Variants in RNF213 observed in about 807,000 individuals in gnomAD.
RNF213 encodes the protein ring finger protein 213, also known as E3 ubiquitin-protein ligase RNF213.
A neutral mutation model predicts 514.4 loss-of-function variants in RNF213; 341 were observed. That is an observed-to-expected ratio of 0.66 (90% confidence interval 0.61 to 0.73). The LOEUF is 0.73. Ranked by LOEUF, RNF213 falls within the 30% of genes least tolerant of loss-of-function variation. The probability of loss-of-function intolerance (pLI) is 0.00; values close to 1 mark genes in which losing one functional copy is unlikely to be tolerated. For missense variants in RNF213, 5,767 were observed against 6,615.6 expected, an observed-to-expected ratio of 0.87 and a Z score of 4.45; for synonymous variants, 2,655 against 2,658.2, an observed-to-expected ratio of 1.00 and a Z score of 0.04.
chr17:80,343,396 C>T lies in RNF213; in HGVS notation c.6183+71C>T, dbSNP rs1002814261. The T allele has an allele frequency of 2.3e-6, 3 of 1,306,086 alleles. No individual in the cohort carries two copies. The highest frequency in any genetic ancestry group is 3.3e-6 in the Non-Finnish European group (3 of 919,874). 80.9% of individuals were successfully genotyped at this position (1,306,086 alleles called of 1,614,324 possible). On this transcript the variant is annotated intron_variant, in intron 27 of 67. Coordinates refer to ENST00000582970, the MANE Select transcript of RNF213 (RefSeq NM_001256071.3). This position sits in a 1 kb window ranked among gnomAD's most constrained non-coding sequence, Gnocchi z 4.3. ...TGGTCCCCATGTCTCTGCGTGACTC[C>T]TCCCCGTGTATAGAATTCCTTGTTT...
At chr17:80,361,352 C>T (rs2079048399) in intron 38 of RNF213, among the ~76,000 whole-genome samples, 1 of 152,130 alleles carries the variant, frequency 6.6e-6, no homozygotes, top group South Asian at 2.1e-4. Flanking sequence ...AACCCCGTCT[C>T]TACTAAAAAT....
intron 3 of RNF213, among the ~76,000 whole-genome samples, chr17:80,279,061 G>A (rs1192303036): frequency 1.3e-5 from 2 of 152,248 alleles, no homozygotes; most frequent in East Asian, 1.9e-4. Flanking sequence ...CCCTTGGGCT[G>A]TGAAAGAGCA....
intron 2 of RNF213, among the ~76,000 whole-genome samples, chr17:80,270,647 A>G (rs997984179): frequency 6.6e-6 from 1 of 152,094 alleles, no homozygotes; most frequent in Non-Finnish European, 1.5e-5. Flanking sequence ...GACCACATGT[A>G]TGTGTATTTC....
intron 11 of RNF213, among the ~76,000 whole-genome samples, chr17:80,303,488 C>T (rs1330072152): frequency 6.6e-6 from 1 of 152,128 alleles, no homozygotes; most frequent in East Asian, 1.9e-4. Context: ...CTGCTAAAGG[C>T]AGTGTTACGG....
At chr17:80,265,762 G>A (rs1395289800) in intron 2 of RNF213, among the ~76,000 whole-genome samples, 8 of 152,180 alleles carry the variant, frequency 5.3e-5, no homozygotes, top group Non-Finnish European at 8.8e-5. Context: ...CATGCAGGGC[G>A]TCTGCTGTTA....
At position 80,359,363 on chromosome 17, in the gene RNF213, A is replaced by C. The variant is rs1040088680; in HGVS notation, c.11055-698A>C. ...CAACATAGTGAGACCCCATCACTAC[A>C]AAAAATTTAAAAATTAGGCATAACG... is the stretch of plus-strand genomic sequence containing the variant. On this transcript the variant is annotated intron_variant, in intron 37 of 67. Transcript: ENST00000582970. Among the ~76,000 whole-genome samples, 4 of 152,016 alleles carry C rather than the reference A, an allele frequency of 2.6e-5. 1 individual carries two copies. Among genetic ancestry groups the C allele is most frequent in the Middle Eastern group, 3.4e-3 (1 of 294 alleles).
In RNF213 at chr17:80,287,640, C is replaced by G. The variant is rs564711075; in HGVS notation, c.262-175C>G. Among the ~76,000 whole-genome samples, 4 of 152,332 alleles carry G rather than the reference C, an allele frequency of 2.6e-5. 1 individual carries two copies. Among genetic ancestry groups the G allele is most frequent in the African/African-American group, 7.2e-5 (3 of 41,568 alleles). On this transcript the variant is annotated intron_variant, in intron 3 of 67. Coordinates refer to ENST00000582970, the MANE Select transcript of RNF213 (RefSeq NM_001256071.3). ...ACTTGCCCCGACCCTGCCCACCCCCCACTTTTGTTTCTTAATTTCATTCTT... is the reference window on the plus strand; with the variant it reads ...ACTTGCCCCGACCCTGCCCACCCCCGACTTTTGTTTCTTAATTTCATTCTT...
At chr17:80,290,514 C>T (rs2044680865) in intron 6 of RNF213, 56 bp from the exon 7 acceptor site, 2 of 1,609,330 alleles carry the variant, frequency 1.2e-6, no homozygotes, top group Non-Finnish European at 1.7e-6. Flanking sequence ...TGTGCATGCA[C>T]ATGGCAGGTG....
intron 13 of RNF213, among the ~76,000 whole-genome samples, chr17:80,307,520 G>A (rs1337449339): frequency 4.7e-5 from 7 of 148,316 alleles, no homozygotes; most frequent in African/African-American, 5.1e-5. Flanking sequence ...ACCCCACCAC[G>A]CCCAGCTAAT....
rs557394559 is a variant in RNF213, at chr17:80,394,252, T to A, written c.*754T>A. The stretch of plus-strand genomic sequence containing the variant: ...CTTCTGATCTGACATTTTGAAATTG[T>A]GAGAGAAACTAGATGACTGTAAACT... On this transcript the variant is annotated 3_prime_UTR_variant, in exon 68 of 68. Transcript: ENST00000582970. 2 of 152,280 alleles carry A rather than the reference T, an allele frequency of 1.3e-5. No homozygotes were observed. The highest frequency in any genetic ancestry group is 4.8e-5 in the African/African-American group (2 of 41,464). The allele number at this position is 152,280 out of a possible 1,614,324, so 9.4% of individuals were successfully genotyped here.
chr17:80,304,895 A>G (rs1195852799), intron 11 of RNF213, among the ~76,000 whole-genome samples: 1 of 151,736 alleles, frequency 6.6e-6, no homozygotes, highest in Non-Finnish European at 1.5e-5. Flanking sequence ...CCTGGTAACC[A>G]CTGTTCTCCT....
Position 80,317,205 on chromosome 17 carries a change from G to A in RNF213, c.2829G>A (p.Val943=). The change falls in exon 16 of 68, where the codon GTG becomes GTA. Residue 943 remains valine, a synonymous_variant. Coordinates refer to ENST00000582970, the MANE Select transcript of RNF213 (RefSeq NM_001256071.3). This position sits in a 1 kb window ranked among gnomAD's most constrained non-coding sequence, Gnocchi z 4.1. ...TTTTGCAGGTCTGGAGGCGGCTGGT[G>A]GAAATCCAATTCCCCGCGGAGCATG... The part of the protein sequence containing the change: ...VKEIEVWRRL[V]EIQFPAEHGW... The A allele has an allele frequency of 6.2e-7, 1 of 1,612,552 alleles. No homozygotes were observed.
intron 59 of RNF213, chr17:80,384,782 G>A (rs960038007): frequency 9.8e-6 from 5 of 508,604 alleles, no homozygotes; most frequent in African/African-American, 9.7e-5. Flanking sequence ...ATCAGCCTTT[G>A]ATGGACGCGG....
Position 80,334,102 on chromosome 17 carries a change from C to A in RNF213, c.4144-3C>A. The A allele has an allele frequency of 1.3e-6, 2 of 1,537,196 alleles. No homozygotes were observed. The highest frequency in any genetic ancestry group is 2.7e-5 in the African/African-American group (2 of 73,168). On this transcript the variant is annotated splice_region_variant and splice_polypyrimidine_tract_variant and intron_variant, in intron 21 of 67. Transcript: ENST00000582970. Reference sequence around the variant, plus strand: ...CAGTCCACAGTAGAGCTTTTTCTTGCAGACTGATAACTTCGACGACTTTCG... The same window carrying A: ...CAGTCCACAGTAGAGCTTTTTCTTGAAGACTGATAACTTCGACGACTTTCG...
At chr17:80,334,369 C>A in intron 22 of RNF213, 99 bp downstream of exon 22, 1 of 1,306,614 alleles carries the variant, frequency 7.7e-7, no homozygotes, top group Non-Finnish European at 1.0e-6. Flanking sequence ...CTCCCCTTGG[C>A]CAAGGACTAC....
rs556474007 is a variant in RNF213 at position 80,382,149 on chromosome 17, GTGC to G, written c.13978+425_13978+427del. On this transcript the variant is annotated intron_variant, in intron 57 of 67. Coordinates refer to ENST00000582970, the MANE Select transcript of RNF213 (RefSeq NM_001256071.3). ...AAGGATCAATCACCATCACAGTTGT[GTGC>G]TGATTTATTAAATGTTTATATGTCC... The G allele has an allele frequency of 2.0e-3, 384 of 194,832 alleles. 3 individuals carry two copies. The highest frequency in any genetic ancestry group is 8.3e-3 in the African/African-American group (361 of 43,258). 12.1% of individuals were successfully genotyped at this position (194,832 alleles called of 1,614,324 possible).
chr17:80,345,728 A>G lies in RNF213; in HGVS notation c.7393A>G (p.Arg2465Gly), dbSNP rs1387274282. 1 of 1,614,250 alleles carries G rather than the reference A, an allele frequency of 6.2e-7. No individual in the cohort carries two copies. Among genetic ancestry groups the G allele is most frequent in the Non-Finnish European group, 8.5e-7 (1 of 1,180,050 alleles). The part of the protein sequence containing the change: ...TTADMIYSRV[R>G]EAENVAFANK... ...TGCAGACATGATCTACTCCAGAGTC[A>G]GGGAGGCTGAAAATGTGGCCTTCGC... Residue 2465 changes from arginine (R) to glycine (G), a missense_variant, in exon 29 of 68, where the codon AGG becomes GGG. By Grantham distance (125) the Arg-to-Gly change is moderately radical (BLOSUM62 -2). This residue lies in a region of RNF213 where 1,377 missense variants were observed against 1,635.2 expected (regional missense o/e 0.84). Transcript: ENST00000582970. The surrounding 1 kb of genome is among the most constrained non-coding windows in gnomAD (Gnocchi z 6.0).
rs903450151 is a variant in RNF213, at chr17:80,317,861, C to T, written c.2901+584C>T. Among the ~76,000 whole-genome samples the T allele has an allele frequency of 5.3e-5, 8 of 152,118 alleles. No individual in the cohort carries two copies. The highest frequency in any genetic ancestry group is 3.3e-4 in the Admixed American group (5 of 15,276). On this transcript the variant is annotated intron_variant, in intron 16 of 67. Transcript: ENST00000582970. This position sits in a 1 kb window ranked among gnomAD's most constrained non-coding sequence, Gnocchi z 4.1. ...ACAGCCTCTTTTAGGTACCCACACT[C>T]GGTGGGTCCCAAGCTCTTGTCCAGC...
At position 80,309,037 on chromosome 17, in the gene RNF213, T is replaced by A. The variant is rs1408520202; in HGVS notation, c.2521T>A (p.Ser841Thr). ...GGGCAGGATTCCCGAGGAGGCCTTG[T>A]CACCATCCTACCTGACTGTGTGTCT... ...YRDKIPEEALSPSYLTVCLKL... is the reference protein window; with the variant it reads ...YRDKIPEEALTPSYLTVCLKL... The change falls in exon 14 of 68, where the codon TCA becomes ACA. Residue 841 changes from serine (S) to threonine (T), a missense_variant. Physicochemically the swap from Ser to Thr is moderately conservative, Grantham distance 58 (BLOSUM62 1). This residue lies in a region of RNF213 where 592 missense variants were observed against 673.9 expected (regional missense o/e 0.88). Coordinates refer to ENST00000582970, the MANE Select transcript of RNF213 (RefSeq NM_001256071.3). 1.9e-6 allele frequency: 3 copies of A among 1,614,124 alleles called. No homozygotes were observed. The highest frequency in any genetic ancestry group is 2.5e-6 in the Non-Finnish European group (3 of 1,180,026).
Sources: allele counts gnomAD v4.1 joint callset (sites outside exome capture counted in the v4.1 genomes callset), GRCh38; gene constraint gnomAD v4.1.1; regional missense constraint gnomAD v4.1.1; non-coding constraint Gnocchi (gnomAD v3.1); transcripts MANE v1.5; gene names NCBI Gene and HGNC (gene_info 2026-07-23, HGNC 2026-07-21).